CPZ: variants seen among roughly 807,000 people sequenced by gnomAD.
CPZ encodes the protein VEZT/CPZ fusion.
CPZ carries 103 observed loss-of-function variants against 61.8 expected under a neutral mutation model. The ratio of observed to expected loss-of-function variants is 1.67; its 90% confidence interval spans 1.42 to 1.96. The LOEUF (loss-of-function observed/expected upper bound fraction) is 1.96, where lower values mean the gene tolerates loss of function less well. CPZ is among the 30% of genes most tolerant of loss of function. The pLI, the probability that CPZ is intolerant of heterozygous loss-of-function variation, is 0.00. For synonymous variants in CPZ, 551 were observed against 373.7 expected (o/e 1.47, Z -5.47); for missense variants, 1,461 against 914.9 (o/e 1.60, Z -7.70).
chr4:8,614,943 G>T (rs1405216529), intron 9 of CPZ, among the ~76,000 whole-genome samples: 2 of 152,074 alleles, frequency 1.3e-5, no homozygotes, highest in Admixed American at 1.3e-4. Flanking sequence ...AACCCCAAGG[G>T]GACATCAAAA....
At chr4:8,598,695 G>A (rs1311824096) in intron 1 of CPZ, among the ~76,000 whole-genome samples, 1 of 152,252 alleles carries the variant, frequency 6.6e-6, no homozygotes, top group Non-Finnish European at 1.5e-5. Flanking sequence ...CGTTCTCGCT[G>A]CCTGATGCAC....
intron 7 of CPZ, chr4:8,611,088 TCAC>T (rs1715635643): frequency 1.2e-5 from 4 of 343,390 alleles, no homozygotes; most frequent in African/African-American, 1.1e-4. Flanking sequence ...ATTCGCTCAT[TCAC>T]TCACTCACTC....
chr4:8,615,691 C>T (rs565330061), intron 9 of CPZ, among the ~76,000 whole-genome samples: 59 of 152,284 alleles, frequency 3.9e-4, no homozygotes, highest in African/African-American at 1.3e-3. Flanking sequence ...TGTCTGCGAG[C>T]CAGCCAGAGG....
chr4:8,612,040 T>C lies in CPZ; in HGVS notation c.1241T>C (p.Leu414Pro), dbSNP rs550239888. The change falls in exon 8 of 11, where the codon CTG (leucine) becomes CCG (proline). Residue 414 changes from leucine (L) to proline (P), a missense_variant. Transcript: ENST00000360986. ...TTTCTTTTCCAGATGTTCAAGCTGC[T>C]GTCCAGAGCCTACGCTGACGTCCAC... ...PTPDEKMFKL[L>P]SRAYADVHPM... 1.2e-6 allele frequency: 2 copies of C among 1,614,038 alleles called. No homozygotes were observed. The highest frequency in any genetic ancestry group is 2.7e-5 in the African/African-American group (2 of 75,030).
chr4:8,610,539 T>A (rs1435096057), intron 7 of CPZ, among the ~76,000 whole-genome samples: 1 of 149,058 alleles, frequency 6.7e-6, no homozygotes, highest in African/African-American at 2.5e-5. Context: ...CCCACCCTCC[T>A]ACCCCCCGAG....
rs756131373 is a variant in CPZ at position 8,601,132 on chromosome 4, TGGACCTGCAGCTCA to T, written c.143_156del (p.Leu48ArgfsTer58). On this transcript the variant is annotated frameshift_variant, in exon 3 of 11. Coordinates refer to ENST00000360986, the MANE Select transcript of CPZ (RefSeq NM_001014447.3). LOFTEE classifies it high-confidence loss of function. ...GACCCTGCCTCCCCAGCCACCTGCG[TGGACCTGCAGCTCA>T]GGACCTGCAGCGATGCCGCCTACAA... is the stretch of plus-strand genomic sequence containing the variant. 3.1e-5 allele frequency: 49 copies of T among 1,572,814 alleles called. No homozygotes were observed. In the South Asian group the frequency reaches 5.1e-4, roughly 17 times the overall value.
chr4:8,606,288 T>TC, intron 5 of CPZ, 103 bp downstream of exon 5: 3 of 1,173,632 alleles, frequency 2.6e-6, no homozygotes, highest in Non-Finnish European at 2.4e-6. Flanking sequence ...TTCCTGCCTC[T>TC]CTAGGAGAGG....
intron 2 of CPZ, among the ~76,000 whole-genome samples, chr4:8,600,164 T>C (rs1260141212): frequency 6.6e-6 from 1 of 152,136 alleles, no homozygotes; most frequent in Non-Finnish European, 1.5e-5. Context: ...TTTTTAGAGA[T>C]GGAGGTCTTG....
chr4:8,601,093 G>A (rs1714540767), intron 2 of CPZ, 30 bp from the exon 3 acceptor site: 1 of 1,545,042 alleles, frequency 6.5e-7, no homozygotes, highest in African/African-American at 1.4e-5. Context: ...CACTGCAGGA[G>A]GGACTGACCT....
Position 8,604,081 on chromosome 4 carries a change from C to A in CPZ, c.602C>A (p.Ala201Asp), listed in dbSNP as rs373184056. The stretch of plus-strand genomic sequence containing the variant: ...ATGGTGCGTGTGCTGAGGCGGACGG[C>A]CTCCCGCTGCGCCCACGTGGCCAGG... ...AQMVRVLRRT[A>D]SRCAHVARTY... The change falls in exon 4 of 11, where the codon GCC becomes GAC. Residue 201 changes from alanine (A) to aspartate (D), a missense_variant. Transcript: ENST00000360986. 6 of 1,609,548 alleles carry A rather than the reference C, an allele frequency of 3.7e-6. No individual in the cohort carries two copies. Among genetic ancestry groups the A allele is most frequent in the African/African-American group, 1.3e-5 (1 of 74,882 alleles).
intron 9 of CPZ, 70 bp downstream of exon 9, chr4:8,614,568 C>T (rs1716004552): frequency 1.2e-5 from 19 of 1,540,016 alleles, no homozygotes; most frequent in Non-Finnish European, 1.7e-5. Context: ...TTCAGGCCCC[C>T]AGGGCAGCCC....
At chr4:8,600,937 C>T (rs1475187367) in intron 2 of CPZ, 186 bp from the exon 3 acceptor site, 16 of 1,344,010 alleles carry the variant, frequency 1.2e-5, no homozygotes, top group Non-Finnish European at 1.3e-5. Flanking sequence ...GTCTTAGGCT[C>T]CTCCTCTGGT....
chr4:8,596,537 G>T (rs919907257), intron 1 of CPZ, among the ~76,000 whole-genome samples: 2 of 152,256 alleles, frequency 1.3e-5, no homozygotes, highest in Non-Finnish European at 1.5e-5. Flanking sequence ...ACAGGGGATA[G>T]TCCTGCTCCT....
chr4:8,618,407 G>A, intron 9 of CPZ, 22 bp from the exon 10 acceptor site: 2 of 1,611,968 alleles, frequency 1.2e-6, no homozygotes, highest in South Asian at 1.1e-5. Context: ...CCATCTCCCT[G>A]GCCTCCCCTT....
At chr4:8,606,716 G>C in intron 5 of CPZ, 21 bp from the exon 6 acceptor site, 2 of 1,613,992 alleles carry the variant, frequency 1.2e-6, no homozygotes, top group Non-Finnish European at 1.7e-6. Context: ...CCACCCAGTC[G>C]GGGGTTGGCC....
chr4:8,609,352 TTCATTCACTCACAAAC>T (rs1164504387), intron 7 of CPZ, among the ~76,000 whole-genome samples: 30 of 148,622 alleles, frequency 2.0e-4, no homozygotes, highest in East Asian at 1.2e-3. Flanking sequence ...CATTCTCTCA[TTCATTCACTCACAAAC>T]TCATTCACTC....
At chr4:8,611,072 TCATTCATTC>T (rs1715627463) in intron 7 of CPZ, 1 of 361,272 alleles carries the variant, frequency 2.8e-6, no homozygotes, top group Non-Finnish European at 5.9e-6. Context: ...ACTCATTCAC[TCATTCATTC>T]GCTCATTCAC....
intron 7 of CPZ, among the ~76,000 whole-genome samples, chr4:8,609,292 GTCATTCAT>G (rs1715432789): frequency 1.9e-5 from 2 of 102,586 alleles, no homozygotes; most frequent in East Asian, 3.0e-4. Flanking sequence ...AATTTTCTCA[GTCATTCAT>G]CCATTCACTC....
chr4:8,600,988 G>T, intron 2 of CPZ, 135 bp from the exon 3 acceptor site: 1 of 1,416,198 alleles, frequency 7.1e-7, no homozygotes. Flanking sequence ...CTGTTGTCCT[G>T]GTCCTCCCCT....
Sources: gnomAD v4.1 joint callset for allele counts (sites outside exome capture counted in the v4.1 genomes callset) on GRCh38, gnomAD v4.1.1 for gene constraint, MANE v1.5 for transcripts, NCBI Gene and HGNC (gene_info 2026-07-23, HGNC 2026-07-21) for gene names.